The following UBXN7 variants were observed in gnomAD, a reference collection of about 807,000 sequenced individuals.
UBXN7 encodes the protein UBX domain-containing protein 7.
Under a neutral mutation model 58.0 loss-of-function variants are expected in UBXN7, and 9 were observed. That is an observed-to-expected ratio of 0.16 (90% CI 0.09 to 0.27). The LOEUF is 0.27. UBXN7 is among the 10% of genes least tolerant of loss of function. UBXN7 has a pLI of 1.00. For synonymous variants in UBXN7, 208 were observed against 205.0 expected, an observed-to-expected ratio of 1.01 and a Z score of -0.12; for missense variants, 328 against 599.6, an observed-to-expected ratio of 0.55 and a Z score of 4.73.
intron 10 of UBXN7, among the ~76,000 whole-genome samples, chr3:196,361,122 T>C (rs933770569): frequency 6.6e-6 from 1 of 152,136 alleles, no homozygotes; most frequent in African/African-American, 2.4e-5. Flanking sequence ...TTGGAAGAGG[T>C]TGATTCCAAC....
Position 196,349,554 on chromosome 3 carries a change from C to T in UBXN7, c.*7131G>A, listed in dbSNP as rs1459532463. ...ATGTTGCTGCAAACAGCAAGGCATC[C>T]AGCTGAGTGTAAGCAGTCTAATGTC... On this transcript the variant is annotated 3_prime_UTR_variant, in exon 11 of 11. Coordinates refer to ENST00000296328, the MANE Select transcript of UBXN7 (RefSeq NM_015562.2). 1 of 152,102 alleles carries T rather than the reference C, an allele frequency of 6.6e-6. No individual in the cohort carries two copies. Among genetic ancestry groups the T allele is most frequent in the Non-Finnish European group, 1.5e-5 (1 of 68,028 alleles). The allele number at this position is 152,102 out of a possible 1,614,324, so 9.4% of individuals were successfully genotyped here. A position where few individuals can be genotyped will look rare whatever the true frequency, so the allele number is the denominator to read the frequency against.
At chr3:196,402,207 G>A (rs1485788265) in intron 3 of UBXN7, among the ~76,000 whole-genome samples, 1 of 152,116 alleles carries the variant, frequency 6.6e-6, no homozygotes, top group Non-Finnish European at 1.5e-5. Flanking sequence ...TTTTAGTAGA[G>A]ATGGGATTTT....
intron 7 of UBXN7, 88 bp downstream of exon 7, chr3:196,369,333 C>G: frequency 9.2e-7 from 1 of 1,084,998 alleles, no homozygotes. Context: ...ATTCTGAAAA[C>G]AGATCCAGTC....
chr3:196,411,107 A>T (rs1660982965), intron 1 of UBXN7, among the ~76,000 whole-genome samples: 1 of 152,196 alleles, frequency 6.6e-6, no homozygotes, highest in African/African-American at 2.4e-5. Flanking sequence ...CATCCCTGTG[A>T]TAATGTTCTA....
In UBXN7 at chr3:196,410,821, CA is replaced by C. The variant is rs558340861; in HGVS notation, c.74-3429del. 4.4e-3 allele frequency among the ~76,000 whole-genome samples: 624 copies of C among 140,308 alleles called. 1 individual carries two copies. Among genetic ancestry groups the C allele is most frequent in the African/African-American group, 0.01 (387 of 37,880 alleles). The allele number at this position is 140,308 out of a possible 152,430, so 92.0% of individuals were successfully genotyped here. A position where few individuals can be genotyped will look rare whatever the true frequency, so the allele number is the denominator to read the frequency against. On this transcript the variant is annotated intron_variant, in intron 1 of 10. Transcript: ENST00000296328. ...TGGGCAACGGAGCAAGACTCCATCT[CA>C]AAAAAAAAAAAAATCCCTTAATGGC...
chr3:196,380,203 T>C (rs1161291589), intron 5 of UBXN7, among the ~76,000 whole-genome samples: 2 of 147,400 alleles, frequency 1.4e-5, no homozygotes, highest in African/African-American at 5.0e-5. Flanking sequence ...TGAGGCAAGA[T>C]AGCGCCACTG....
At chr3:196,426,795 C>T (rs930200584) in intron 1 of UBXN7, among the ~76,000 whole-genome samples, 1 of 151,656 alleles carries the variant, frequency 6.6e-6, no homozygotes, top group African/African-American at 2.4e-5. Flanking sequence ...CTGCAGTGAG[C>T]CAAGATCGTA....
chr3:196,380,397 G>A (rs1292306294), intron 5 of UBXN7, among the ~76,000 whole-genome samples: 4 of 152,160 alleles, frequency 2.6e-5, no homozygotes, highest in African/African-American at 9.7e-5. Flanking sequence ...CCTAGGGGAT[G>A]GCAGAACAAG....
intron 3 of UBXN7, among the ~76,000 whole-genome samples, chr3:196,398,908 A>G (rs1473847414): frequency 1.3e-5 from 2 of 152,122 alleles, no homozygotes; most frequent in Non-Finnish European, 2.9e-5. Context: ...AAGTAATCCC[A>G]AAGTGTTCGG....
rs1175289029 is a variant in UBXN7, at chr3:196,349,291, A to G, written c.*7394T>C. 1 of 152,140 alleles carries G rather than the reference A, an allele frequency of 6.6e-6. No homozygotes were observed. Among genetic ancestry groups the G allele is most frequent in the Non-Finnish European group, 1.5e-5 (1 of 68,026 alleles). The allele number at this position is 152,140 out of a possible 1,614,324, so 9.4% of individuals were successfully genotyped here. On this transcript the variant is annotated 3_prime_UTR_variant, in exon 11 of 11. Transcript: ENST00000296328. ...AAGCAGCCCCTACTAGAAGCTTGCT[A>G]CTCGTTAACTGAAAAGTGGAGGCCA...
At chr3:196,416,005 C>A (rs1730469622) in intron 1 of UBXN7, among the ~76,000 whole-genome samples, 1 of 152,168 alleles carries the variant, frequency 6.6e-6, no homozygotes, top group African/African-American at 2.4e-5. Flanking sequence ...ACTATTTTGG[C>A]TCTTGTCTAA....
chr3:196,404,082 TA>T (rs530412151), intron 2 of UBXN7, among the ~76,000 whole-genome samples: 74 of 128,760 alleles, frequency 5.7e-4, no homozygotes, highest in Admixed American at 5.8e-4. Flanking sequence ...ACTCCATCTC[TA>T]AAAAAAAAAA....
rs1728367955 is a variant in UBXN7, at chr3:196,356,966, C to A, written c.1309-120G>T. 7 of 1,298,448 alleles carry A rather than the reference C, an allele frequency of 5.4e-6. No individual in the cohort carries two copies. The Admixed American group carries it at 2.2e-4, about 41-fold the overall frequency. The allele number at this position is 1,298,448 out of a possible 1,614,324, so 80.4% of individuals were successfully genotyped here. Reference sequence around the variant, plus strand: ...TTAGATCAGCTATTAAATGTAAGTTCTTCTTTCATATAACCAAAGCTTGCC... The same window carrying A: ...TTAGATCAGCTATTAAATGTAAGTTATTCTTTCATATAACCAAAGCTTGCC... On this transcript the variant is annotated intron_variant, in intron 10 of 10. Coordinates refer to ENST00000296328, the MANE Select transcript of UBXN7 (RefSeq NM_015562.2).
rs774399561 is a variant in UBXN7 at position 196,432,376 on chromosome 3, C to T, written c.24G>A (p.Ala8=). 4.4e-6 allele frequency: 7 copies of T among 1,595,434 alleles called. No individual in the cohort carries two copies. In the Admixed American group the frequency reaches 8.4e-5, roughly 19 times the overall value. MAAHGGS[A]ASSALKGLIQ... ...TTAACCCCTTCAGCGCCGAGGACGCCGCGGAGCCCCCGTGGGCAGCCATCT... is the reference window on the plus strand; with the variant it reads ...TTAACCCCTTCAGCGCCGAGGACGCTGCGGAGCCCCCGTGGGCAGCCATCT... The change falls in exon 1 of 11, where the codon GCG becomes GCA. Residue 8 remains alanine, a synonymous_variant. Coordinates refer to ENST00000296328, the MANE Select transcript of UBXN7 (RefSeq NM_015562.2).
In UBXN7 at chr3:196,401,248, C is replaced by CA. The variant is rs35766312; in HGVS notation, c.289+1703dup. ...CTAACATGGAGAAACCCCGTCTCTC[C>CA]AAAAAAAAAAAAAAAAAAAAAAAAA... On this transcript the variant is annotated intron_variant, in intron 3 of 10. Coordinates refer to ENST00000296328, the MANE Select transcript of UBXN7 (RefSeq NM_015562.2). Among the ~76,000 whole-genome samples, 12 of 2,272 alleles carry CA rather than the reference C, an allele frequency of 5.3e-3. 3 individuals carry two copies. The highest frequency in any genetic ancestry group is 9.4e-3 in the Admixed American group (1 of 106). 1.5% of individuals were successfully genotyped at this position (2,272 alleles called of 152,430 possible).
chr3:196,406,855 T>C (rs577589433), intron 2 of UBXN7, among the ~76,000 whole-genome samples: 1 of 152,344 alleles, frequency 6.6e-6, no homozygotes, highest in Admixed American at 6.5e-5. Context: ...AATTGCTGTG[T>C]AGCTTGGGGA....
In UBXN7 at chr3:196,350,428, T is replaced by A. The variant is rs913043050; in HGVS notation, c.*6257A>T. The A allele has an allele frequency of 6.6e-6, 1 of 152,210 alleles. No individual in the cohort carries two copies. The highest frequency in any genetic ancestry group is 6.5e-5 in the Admixed American group (1 of 15,276). The allele number at this position is 152,210 out of a possible 1,614,324, so 9.4% of individuals were successfully genotyped here. A position where few individuals can be genotyped will look rare whatever the true frequency, so the allele number is the denominator to read the frequency against. On this transcript the variant is annotated 3_prime_UTR_variant, in exon 11 of 11. Coordinates refer to ENST00000296328, the MANE Select transcript of UBXN7 (RefSeq NM_015562.2). ...AGTTTGCCTCAAAAATGTCCTTCAA[T>A]TTTATAAAAAATGAAGATTGTTACA...
intron 1 of UBXN7, chr3:196,432,089 G>C: frequency 1.6e-6 from 1 of 637,042 alleles, no homozygotes; most frequent in Non-Finnish European, 2.8e-6. Context: ...CGGGGGGTTG[G>C]GGGATCTCCC....
chr3:196,409,537 A>G (rs143953049), intron 1 of UBXN7, among the ~76,000 whole-genome samples: 152 of 152,214 alleles, frequency 1.0e-3, no homozygotes, highest in African/African-American at 3.6e-3. Flanking sequence ...TCCTAAGAGG[A>G]TATGATTTGA....
Sources: gnomAD v4.1 joint callset for allele counts (sites outside exome capture counted in the v4.1 genomes callset) on GRCh38, gnomAD v4.1.1 for gene constraint, MANE v1.5 for transcripts, NCBI Gene and HGNC (gene_info 2026-07-23, HGNC 2026-07-21) for gene names.